Variants in PTK7 observed in about 807,000 individuals in gnomAD.
PTK7 encodes protein tyrosine kinase 7 (inactive), also known as inactive tyrosine-protein kinase 7.
In PTK7, 39 loss-of-function variants were observed where a neutral mutation model predicts 116.6. The observed-to-expected ratio is 0.33, with a 90% CI of 0.26 to 0.44. The LOEUF is 0.44. Among genes scored for constraint, PTK7 ranks in the 20% least tolerant of loss-of-function variants. The pLI is 1.00. For missense variants in PTK7, 1,169 were observed against 1,425.6 expected, an observed-to-expected ratio of 0.82 and a Z score of 2.90; for synonymous variants, 546 against 563.6, an observed-to-expected ratio of 0.97 and a Z score of 0.44.
At position 43,144,488 on chromosome 6, in the gene PTK7, C is replaced by A. The variant is rs147549008; in HGVS notation, c.2289C>A (p.Ile763=). 3.4e-5 allele frequency: 55 copies of A among 1,614,034 alleles called. No individual in the cohort carries two copies. The highest frequency in any genetic ancestry group is 4.7e-5 in the Non-Finnish European group (55 of 1,180,036). ...AGAACGGGCAGCCCTCAGCAGAGAT[C>A]CAAGAAGAAGTGGCCTTGACCAGCT... ...PLQNGQPSAE[I]QEEVALTSLG... The change falls in exon 15 of 20, where the codon ATC becomes ATA. Residue 763 remains isoleucine (I), a synonymous_variant. Coordinates refer to ENST00000230419, the MANE Select transcript of PTK7 (RefSeq NM_002821.5).
chr6:43,081,156 G>T (rs1044427235), intron 1 of PTK7, among the ~76,000 whole-genome samples: 11 of 152,070 alleles, frequency 7.2e-5, no homozygotes, highest in African/African-American at 2.7e-4. Context: ...GCCAGTCCCC[G>T]GTTGTACATT....
intron 5 of PTK7, among the ~76,000 whole-genome samples, chr6:43,131,159 A>T (rs372715190): frequency 6.6e-6 from 1 of 152,300 alleles, no homozygotes. Flanking sequence ...CTAGGAGAAC[A>T]TAGAACACCT....
intron 1 of PTK7, among the ~76,000 whole-genome samples, chr6:43,120,987 A>T (rs967703016): frequency 6.6e-6 from 1 of 151,014 alleles, no homozygotes; most frequent in Non-Finnish European, 1.5e-5. Flanking sequence ...CCAGAAGAAG[A>T]TGGGCGGGGT....
At chr6:43,131,057 A>G (rs1769649816) in intron 5 of PTK7, among the ~76,000 whole-genome samples, 1 of 144,156 alleles carries the variant, frequency 6.9e-6, no homozygotes, top group Admixed American at 6.7e-5. Context: ...ACACACACAC[A>G]CACACACACA....
At chr6:43,118,023 G>T (rs1768662638) in intron 1 of PTK7, among the ~76,000 whole-genome samples, 1 of 151,598 alleles carries the variant, frequency 6.6e-6, no homozygotes, top group Non-Finnish European at 1.5e-5. Context: ...GAAAAAGGCA[G>T]TGTGTCTGTG....
At chr6:43,120,277 G>A (rs1044263042) in intron 1 of PTK7, among the ~76,000 whole-genome samples, 1 of 152,174 alleles carries the variant, frequency 6.6e-6, no homozygotes, top group East Asian at 1.9e-4. Flanking sequence ...CACCAGGGGG[G>A]CACAGATGTC....
intron 1 of PTK7, among the ~76,000 whole-genome samples, chr6:43,116,622 G>A (rs1248955828): frequency 8.0e-6 from 1 of 124,240 alleles, no homozygotes; most frequent in African/African-American, 3.3e-5. Flanking sequence ...GTGTGTGTGT[G>A]TGTGTGTGTG....
In PTK7 at chr6:43,145,466, G is replaced by T. The variant is rs768232394; in HGVS notation, c.2640+34G>T. 2.7e-5 allele frequency: 40 copies of T among 1,492,164 alleles called. No homozygotes were observed. The highest frequency in any genetic ancestry group is 3.3e-5 in the Non-Finnish European group (36 of 1,106,110). 92.4% of individuals were successfully genotyped at this position (1,492,164 alleles called of 1,614,324 possible). On this transcript the variant is annotated intron_variant, in intron 16 of 19. Transcript: ENST00000230419. The surrounding 1 kb of genome is among the most constrained non-coding windows in gnomAD (Gnocchi z 4.8). ...TTGGCAGGGGACGTGGGGGTCTCGGGTAGGGAGGGCAGTGTCCTACAAAGG... is the reference window on the plus strand; with the variant it reads ...TTGGCAGGGGACGTGGGGGTCTCGGTTAGGGAGGGCAGTGTCCTACAAAGG...
Position 43,076,348 on chromosome 6 carries a change from G to A in PTK7, c.-141G>A. The A allele has an allele frequency of 2.3e-6, 1 of 432,746 alleles. No homozygotes were observed. Among genetic ancestry groups the A allele is most frequent in the Non-Finnish European group, 3.4e-6 (1 of 290,606 alleles). 26.8% of individuals were successfully genotyped at this position (432,746 alleles called of 1,614,324 possible). A position where few individuals can be genotyped will look rare whatever the true frequency, so the allele number is the denominator to read the frequency against. ...GCGCGGCTCCGGCTCGGGACGCCTCGGGACGCCTCGGGGTCGGGCTCCGGC... is the reference window on the plus strand; with the variant it reads ...GCGCGGCTCCGGCTCGGGACGCCTCAGGACGCCTCGGGGTCGGGCTCCGGC... On this transcript the variant is annotated 5_prime_UTR_variant, in exon 1 of 20. Transcript: ENST00000230419. The surrounding 1 kb of genome is among the most constrained non-coding windows in gnomAD (Gnocchi z 5.7).
rs151016919 is a variant in PTK7, at chr6:43,076,756, C to T, written c.79+189C>T. Reference sequence around the variant, plus strand: ...GGTGTCGGGAGGCTGGCGAAGCCTCCAGGGACGCGGTCAGGGTACCCCTCC... The same window carrying T: ...GGTGTCGGGAGGCTGGCGAAGCCTCTAGGGACGCGGTCAGGGTACCCCTCC... On this transcript the variant is annotated intron_variant, in intron 1 of 19. Transcript: ENST00000230419. This position sits in a 1 kb window ranked among gnomAD's most constrained non-coding sequence, Gnocchi z 5.7. 0.01 allele frequency: 13,981 copies of T among 1,395,686 alleles called. 93 individuals carry two copies. Among genetic ancestry groups the T allele is most frequent in the Non-Finnish European group, 0.012 (12,491 of 1,073,558 alleles). 86.5% of individuals were successfully genotyped at this position (1,395,686 alleles called of 1,614,324 possible). A position where few individuals can be genotyped will look rare whatever the true frequency, so the allele number is the denominator to read the frequency against.
At chr6:43,116,604 T>TGTGTG (rs765994685) in intron 1 of PTK7, among the ~76,000 whole-genome samples, 4 of 119,086 alleles carry the variant, frequency 3.4e-5, no homozygotes, top group African/African-American at 7.0e-5. Flanking sequence ...AAAAGCTGGT[T>TGTGTG]TGTGTGTGTG....
At chr6:43,115,753 A>G (rs1227685445) in intron 1 of PTK7, among the ~76,000 whole-genome samples, 1 of 151,936 alleles carries the variant, frequency 6.6e-6, no homozygotes, top group East Asian at 1.9e-4. Flanking sequence ...CATGACCAAC[A>G]TGGAAAAACC....
At chr6:43,107,633 C>T (rs776130010) in intron 1 of PTK7, among the ~76,000 whole-genome samples, 13 of 152,110 alleles carry the variant, frequency 8.5e-5, no homozygotes, top group Non-Finnish European at 1.8e-4. Context: ...TCTCTCTGTC[C>T]CCAGTGTCTT....
At position 43,118,651 on chromosome 6, in the gene PTK7, CTCTCTCTCTATA is replaced by C. The variant is rs1336268360; in HGVS notation, c.80-10324_80-10313del. Among the ~76,000 whole-genome samples, 465 of 82,606 alleles carry C rather than the reference CTCTCTCTCTATA, an allele frequency of 5.6e-3. 1 individual carries two copies. The highest frequency in any genetic ancestry group is 0.011 in the Admixed American group (85 of 7,728). The allele number at this position is 82,606 out of a possible 152,430, so 54.2% of individuals were successfully genotyped here. On this transcript the variant is annotated intron_variant, in intron 1 of 19. Transcript: ENST00000230419. ...TCTCTCTCTCTCTCTCTCTCTCTCT[CTCTCTCTCTATA>C]TATATATATATATATATATATATAT...
intron 1 of PTK7, among the ~76,000 whole-genome samples, chr6:43,096,550 A>C (rs1329319346): frequency 6.6e-6 from 1 of 152,150 alleles, no homozygotes; most frequent in Non-Finnish European, 1.5e-5. Flanking sequence ...TTTCCTGCTC[A>C]CACTTTCCTC....
chr6:43,112,385 C>T (rs1289138410), intron 1 of PTK7, among the ~76,000 whole-genome samples: 7 of 151,926 alleles, frequency 4.6e-5, no homozygotes, highest in Admixed American at 4.6e-4. Flanking sequence ...TCTCTTGCCT[C>T]AGCATCCCAA....
intron 1 of PTK7, among the ~76,000 whole-genome samples, chr6:43,118,496 A>G (rs1768692623): frequency 6.6e-6 from 1 of 151,588 alleles, no homozygotes; most frequent in South Asian, 2.1e-4. Context: ...AGATTGCACC[A>G]CTGCACTCCA....
chr6:43,083,683 A>G (rs1461013214), intron 1 of PTK7, among the ~76,000 whole-genome samples: 1 of 152,152 alleles, frequency 6.6e-6, no homozygotes, highest in Non-Finnish European at 1.5e-5. Flanking sequence ...TTGGTTTTAC[A>G]TTGCTAAACT....
chr6:43,078,247 T>C (rs1394321073), intron 1 of PTK7, among the ~76,000 whole-genome samples: 1 of 151,068 alleles, frequency 6.6e-6, no homozygotes, highest in Non-Finnish European at 1.5e-5. Flanking sequence ...GACTGGTTGG[T>C]GTTTAGTGTG....
Sources: gnomAD v4.1 joint callset for allele counts (sites outside exome capture counted in the v4.1 genomes callset) on GRCh38, gnomAD v4.1.1 for gene constraint, Gnocchi (gnomAD v3.1) non-coding constraint, MANE v1.5 for transcripts, NCBI Gene and HGNC (gene_info 2026-07-23, HGNC 2026-07-21) for gene names.